Variants in TULP4 observed in about 807,000 individuals in gnomAD.
The protein encoded by TULP4 is TUB like protein 4, also known as tubby-related protein 4.
TULP4 carries 16 observed loss-of-function variants against 129.0 expected under a neutral mutation model. That is an observed-to-expected ratio of 0.12 (90% CI 0.08 to 0.19). The LOEUF is 0.19. TULP4 is among the 10% of genes least tolerant of loss of function. The pLI is 1.00. For synonymous variants in TULP4, 998 were observed against 854.0 expected (o/e 1.17, Z -2.94); for missense variants, 1,842 against 2,059.1 (o/e 0.89, Z 2.04).
intron 1 of TULP4, among the ~76,000 whole-genome samples, chr6:158,409,548 T>G (rs970854141): frequency 6.6e-6 from 1 of 152,174 alleles, no homozygotes; most frequent in African/African-American, 2.4e-5. Context: ...AGAACCCAGC[T>G]GGCCCCCAGC....
rs920300732 is a variant in TULP4, at chr6:158,498,789, G to C, written c.1991G>C (p.Ser664Thr). 1 of 1,614,086 alleles carries C rather than the reference G, an allele frequency of 6.2e-7. No homozygotes were observed. Among genetic ancestry groups the C allele is most frequent in the Non-Finnish European group, 8.5e-7 (1 of 1,180,038 alleles). The change falls in exon 12 of 14, where the codon AGT (serine) becomes ACT (threonine). Residue 664 changes from serine (S) to threonine (T), a missense_variant. Ser to Thr is a moderately conservative substitution (Grantham distance 58). This residue lies in a region of TULP4 where 99 missense variants were observed against 165.1 expected (regional missense o/e 0.60). Coordinates refer to ENST00000367097, the MANE Select transcript of TULP4 (RefSeq NM_020245.5). ...CCTGTCTTCAACCCAAATGTTTTCA[G>C]TGAAGATGAAGATGATTTACCAGGT... is the stretch of plus-strand genomic sequence containing the variant. ...NLPVFNPNVF[S>T]EDEDDLPVTG...
At chr6:158,240,728 C>T (rs1211804576) in intron 1 of TULP4, among the ~76,000 whole-genome samples, 2 of 122,756 alleles carry the variant, frequency 1.6e-5, no homozygotes, top group South Asian at 2.8e-4. Context: ...CCGGACGGGG[C>T]GGCTGGCCGG....
intron 1 of TULP4, among the ~76,000 whole-genome samples, chr6:158,265,685 GAA>G (rs35306645): frequency 1.2e-4 from 17 of 143,268 alleles, no homozygotes; most frequent in Middle Eastern, 3.5e-3. Context: ...CATCTCAGAA[GAA>G]AAAAAAAAAA....
In TULP4 at chr6:158,242,099, CTGTT is replaced by C. The variant is rs1055172473; in HGVS notation, n.68+9799_68+9802del. On this transcript the variant is annotated intron_variant and non_coding_transcript_variant, in intron 1 of 1. Transcript: ENST00000620026. ...TGATTGTAAAGTTGCAGAGCCTCCT[CTGTT>C]TGACCCTGAAGCTGCAGAATATAGG... 41 of 823,520 alleles carry C rather than the reference CTGTT, an allele frequency of 5.0e-5. 1 individual carries two copies. The highest frequency in any genetic ancestry group is 3.1e-4 in the East Asian group (13 of 41,390). The allele number at this position is 823,520 out of a possible 1,614,324, so 51.0% of individuals were successfully genotyped here. A position where few individuals can be genotyped will look rare whatever the true frequency, so the allele number is the denominator to read the frequency against.
chr6:158,302,104 C>T (rs746550236), intron 1 of TULP4, among the ~76,000 whole-genome samples: 2 of 152,020 alleles, frequency 1.3e-5, no homozygotes, highest in African/African-American at 2.4e-5. Context: ...GTGGGGGCAG[C>T]GATTAATATA....
intron 10 of TULP4, among the ~76,000 whole-genome samples, chr6:158,494,513 A>T (rs1047738420): frequency 6.6e-6 from 1 of 152,134 alleles, no homozygotes; most frequent in Non-Finnish European, 1.5e-5. Flanking sequence ...ACCTGTGGAC[A>T]TACATACTGG....
At chr6:158,475,633 G>A (rs932667496) in intron 6 of TULP4, among the ~76,000 whole-genome samples, 2 of 152,156 alleles carry the variant, frequency 1.3e-5, no homozygotes, top group Admixed American at 6.5e-5. Flanking sequence ...TAGGGAGGAG[G>A]TACCTTCAGC....
intron 4 of TULP4, 96 bp from the exon 5 acceptor site, chr6:158,452,038 G>A (rs1229646172): frequency 6.5e-7 from 1 of 1,548,584 alleles, no homozygotes; most frequent in Non-Finnish European, 8.8e-7. Flanking sequence ...GCATTGTCAG[G>A]CAATTTCTAA....
intron 9 of TULP4, 124 bp downstream of exon 9, chr6:158,489,856 C>A: frequency 1.7e-6 from 2 of 1,145,702 alleles, no homozygotes; most frequent in South Asian, 1.6e-5. Flanking sequence ...GCCTTTTCTT[C>A]CAGAAGATTC....
chr6:158,310,686 C>T (rs1390071932), upstream of TULP4, among the ~76,000 whole-genome samples: 1 of 151,818 alleles, frequency 6.6e-6, no homozygotes, highest in Non-Finnish European at 1.5e-5. Context: ...CTGGGGGTTA[C>T]GTTTCAGCAT....
At chr6:158,241,198 G>A (rs1214796097) in intron 1 of TULP4, among the ~76,000 whole-genome samples, 3 of 130,026 alleles carry the variant, frequency 2.3e-5, no homozygotes, top group Non-Finnish European at 3.5e-5. Flanking sequence ...TGGCGGCTGG[G>A]AAGAGGCGCT....
At chr6:158,310,972 CT>C (rs1346261540), upstream of TULP4, among the ~76,000 whole-genome samples, 15 of 150,760 alleles carry the variant, frequency 9.9e-5, 1 homozygote, top group African/African-American at 3.2e-4. Context: ...TTTTTTCTTT[CT>C]TTTTTTTAAT....
intron 1 of TULP4, among the ~76,000 whole-genome samples, chr6:158,284,948 T>G (rs1778811146): frequency 6.6e-6 from 1 of 152,188 alleles, no homozygotes; most frequent in Non-Finnish European, 1.5e-5. Flanking sequence ...CTCAGATATG[T>G]CTATTCTTCC....
rs376721659 is a variant in TULP4, at chr6:158,468,790, C to T, written c.1026+7061C>T. On this transcript the variant is annotated intron_variant, in intron 6 of 13. Transcript: ENST00000367097. ...AAGATCCAGGCACTGATAGATTCAG[C>T]GTCTGGTCCGCTCCATAGATGGCGC... is the stretch of plus-strand genomic sequence containing the variant. Among the ~76,000 whole-genome samples the T allele has an allele frequency of 2.3e-4, 35 of 152,332 alleles. 2 individuals carry two copies. The East Asian group carries it at 2.3e-3, about 10-fold the overall frequency.
At chr6:158,244,313 A>G (rs556752117) in intron 1 of TULP4, among the ~76,000 whole-genome samples, 138 of 152,228 alleles carry the variant, frequency 9.1e-4, no homozygotes, top group Non-Finnish European at 1.5e-3. Flanking sequence ...AAAAACCTAA[A>G]TGTGCAATAA....
chr6:158,472,265 A>T (rs1045935191), intron 6 of TULP4, among the ~76,000 whole-genome samples: 2 of 152,174 alleles, frequency 1.3e-5, no homozygotes, highest in African/African-American at 4.8e-5. Flanking sequence ...TATGGCCTTA[A>T]CCATTGCAGA....
At chr6:158,366,733 T>C (rs1247634926) in intron 1 of TULP4, among the ~76,000 whole-genome samples, 3 of 152,200 alleles carry the variant, frequency 2.0e-5, no homozygotes, top group African/African-American at 7.2e-5. Flanking sequence ...CTCCCATCTA[T>C]CATTGCTACC....
chr6:158,402,835 A>G (rs1041055798), intron 1 of TULP4, among the ~76,000 whole-genome samples: 7 of 150,874 alleles, frequency 4.6e-5, no homozygotes, highest in South Asian at 2.1e-4. Context: ...AATGATGACT[A>G]TTGGAGTTAT....
intron 1 of TULP4, among the ~76,000 whole-genome samples, chr6:158,263,754 T>TCAACAA (rs78578851): frequency 6.6e-6 from 1 of 151,600 alleles, no homozygotes; most frequent in East Asian, 1.9e-4. Context: ...AGACCCTGTC[T>TCAACAA]CAACAACAAC....
Sources: allele counts gnomAD v4.1 joint callset (sites outside exome capture counted in the v4.1 genomes callset), GRCh38; gene constraint gnomAD v4.1.1; regional missense constraint gnomAD v4.1.1; transcripts MANE v1.5; gene names NCBI Gene and HGNC (gene_info 2026-07-23, HGNC 2026-07-21).